KLF12: variants seen among roughly 807,000 people sequenced by gnomAD.
KLF12 encodes the protein Krueppel-like factor 12.
In KLF12, 9 loss-of-function variants were observed where a neutral mutation model predicts 37.8. The observed-to-expected ratio is 0.24, with a 90% CI of 0.14 to 0.42. The LOEUF is 0.42. Ranked by LOEUF, KLF12 falls within the 10% of genes least tolerant of loss-of-function variation. KLF12 has a pLI of 1.00. For missense variants in KLF12, 411 were observed against 516.0 expected (o/e 0.80, Z 1.97); for synonymous variants, 208 against 202.1 (o/e 1.03, Z -0.25).
intron 1 of KLF12, among the ~76,000 whole-genome samples, chr13:74,083,287 C>A (rs1324314099): frequency 6.6e-6 from 1 of 152,128 alleles, no homozygotes; most frequent in Non-Finnish European, 1.5e-5. Context: ...CCAAGGCAGG[C>A]GGATCACTTG....
At chr13:74,039,183 G>A (rs1216759220) in intron 1 of KLF12, among the ~76,000 whole-genome samples, 1 of 151,966 alleles carries the variant, frequency 6.6e-6, no homozygotes, top group Non-Finnish European at 1.5e-5. Context: ...TGCCAAGTTG[G>A]TCTAATCAGA....
chr13:74,074,324 A>G (rs952074948), intron 1 of KLF12, among the ~76,000 whole-genome samples: 1 of 152,240 alleles, frequency 6.6e-6, no homozygotes. Flanking sequence ...ACAGGAAGAC[A>G]GCATGTGTCC....
At chr13:73,862,352 T>C (rs1885972648) in intron 3 of KLF12, among the ~76,000 whole-genome samples, 1 of 152,194 alleles carries the variant, frequency 6.6e-6, no homozygotes, top group South Asian at 2.1e-4. Context: ...GAATCACATT[T>C]TACAGATAGG....
At chr13:73,783,523 G>A (rs1480316220) in intron 5 of KLF12, among the ~76,000 whole-genome samples, 7 of 151,908 alleles carry the variant, frequency 4.6e-5, no homozygotes, top group Non-Finnish European at 1.0e-4. Context: ...TGAGATGATG[G>A]ATATCCTAAA....
rs551090545 is a variant in KLF12, at chr13:73,691,920, C to A, written c.*3570G>T. The A allele has an allele frequency of 6.5e-6, 1 of 152,710 alleles. No individual in the cohort carries two copies. The highest frequency in any genetic ancestry group is 2.4e-5 in the African/African-American group (1 of 41,570). The allele number at this position is 152,710 out of a possible 1,614,324, so 9.5% of individuals were successfully genotyped here. On this transcript the variant is annotated 3_prime_UTR_variant, in exon 8 of 8. Transcript: ENST00000377669. The stretch of plus-strand genomic sequence containing the variant: ...CCATAATGAAAACGGCCTTTCTAAT[C>A]ACCTGGAACTGGCATTTGTAAACAC...
chr13:74,233,125 T>C, the KLF12 span, among the ~76,000 whole-genome samples: 1 of 152,188 alleles, frequency 6.6e-6, no homozygotes, highest in Non-Finnish European at 1.5e-5. Context: ...ACTTGTGATC[T>C]GCCTACCTTG....
chr13:74,222,862 C>A, the KLF12 span, among the ~76,000 whole-genome samples: 1 of 151,718 alleles, frequency 6.6e-6, no homozygotes, highest in East Asian at 1.9e-4. Context: ...GTTTCAGAAC[C>A]TAGTACAGTG....
chr13:74,035,852 C>G (rs1184726840), intron 1 of KLF12, among the ~76,000 whole-genome samples: 13 of 152,144 alleles, frequency 8.5e-5, no homozygotes, highest in Non-Finnish European at 1.5e-5. Context: ...CAATTCAAAT[C>G]TCTATAGGAT....
At chr13:74,287,898 G>C in the KLF12 span, among the ~76,000 whole-genome samples, 2 of 152,150 alleles carry the variant, frequency 1.3e-5, no homozygotes, top group African/African-American at 4.8e-5. Flanking sequence ...CCAGCACTGC[G>C]TAAGTGGTTT....
chr13:74,217,353 AC>A, the KLF12 span, among the ~76,000 whole-genome samples: 1 of 151,884 alleles, frequency 6.6e-6, no homozygotes, highest in Admixed American at 6.6e-5. Flanking sequence ...TACAGACACT[AC>A]TGGTAGTACA....
At chr13:73,949,339 G>C (rs1890561459) in intron 2 of KLF12, among the ~76,000 whole-genome samples, 1 of 152,184 alleles carries the variant, frequency 6.6e-6, no homozygotes, top group African/African-American at 2.4e-5. Flanking sequence ...ATTTAGCTAT[G>C]GAACTAAATG....
At chr13:74,033,135 A>G in intron 1 of KLF12, among the ~76,000 whole-genome samples, 1 of 152,166 alleles carries the variant, frequency 6.6e-6, no homozygotes, top group South Asian at 2.1e-4. Context: ...CTTCTTATAT[A>G]ATAAAAACAT....
Position 73,976,870 on chromosome 13 carries a change from T to C in KLF12, c.33+18120A>G, listed in dbSNP as rs114385973. Among the ~76,000 whole-genome samples, 492 of 152,094 alleles carry C rather than the reference T, an allele frequency of 3.2e-3. 2 individuals carry two copies. Among genetic ancestry groups the C allele is most frequent in the African/African-American group, 0.012 (479 of 41,490 alleles). ...GTTCAAAACGTTATGAAGTCAAAAT[T>C]TTTAGAAACACAAGGAGAAAGTGAC... On this transcript the variant is annotated intron_variant, in intron 2 of 7. Transcript: ENST00000377669.
chr13:74,015,890 C>T (rs1254686603), intron 1 of KLF12, among the ~76,000 whole-genome samples: 1 of 152,120 alleles, frequency 6.6e-6, no homozygotes, highest in Non-Finnish European at 1.5e-5. Flanking sequence ...TGCCTTAATA[C>T]ACCACCAGAC....
intron 1 of KLF12, among the ~76,000 whole-genome samples, chr13:74,100,146 G>A (rs1233746380): frequency 6.6e-6 from 1 of 152,114 alleles, no homozygotes; most frequent in Non-Finnish European, 1.5e-5. Context: ...GTAACAGGCA[G>A]ATGAGATAGG....
In KLF12 at chr13:73,935,784, T is replaced by C. The variant is rs148297114; in HGVS notation, c.123+8197A>G. ...CTGGGACTACAGGCATGTGTCACCA[T>C]GCCTGGCTAATTTTTGTATTTTTTG... On this transcript the variant is annotated intron_variant, in intron 3 of 7. Transcript: ENST00000377669. Among the ~76,000 whole-genome samples the C allele has an allele frequency of 8.2e-3, 1,244 of 152,200 alleles. 26 individuals are homozygous for C. The highest frequency in any genetic ancestry group is 0.027 in the African/African-American group (1,138 of 41,538).
At chr13:74,200,190 A>G in the KLF12 span, among the ~76,000 whole-genome samples, 2,289 of 38,998 alleles carry the variant, frequency 0.059, 29 homozygotes, top group African/African-American at 0.096. Context: ...AAGCTTGCTC[A>G]GGGGGGGGGT....
intron 1 of KLF12, among the ~76,000 whole-genome samples, chr13:74,122,611 C>T (rs186808126): frequency 1.1e-4 from 16 of 151,954 alleles, no homozygotes; most frequent in Admixed American, 7.2e-4. Context: ...AGTTTAAAAG[C>T]GACAAAAACT....
chr13:73,846,067 TTAA>T lies in KLF12; in HGVS notation c.427_429del (p.Leu143del). 6.2e-7 allele frequency: 1 copy of T among 1,613,840 alleles called. No individual in the cohort carries two copies. Among genetic ancestry groups the T allele is most frequent in the Non-Finnish European group, 8.5e-7 (1 of 1,179,940 alleles). ...GCAGAGGCCACAAGGGGCCCTGGAG[TTAA>T]TACTGTTGACGAAGATGACGCTGAA... On this transcript the variant is annotated inframe_deletion, in exon 4 of 8. Coordinates refer to ENST00000377669, the MANE Select transcript of KLF12 (RefSeq NM_007249.5).
Sources: gnomAD v4.1 joint callset for allele counts (sites outside exome capture counted in the v4.1 genomes callset) on GRCh38, gnomAD v4.1.1 for gene constraint, MANE v1.5 for transcripts, NCBI Gene and HGNC (gene_info 2026-07-23, HGNC 2026-07-21) for gene names.